Variants in AGBL4 observed in about 807,000 individuals in gnomAD.
AGBL4 encodes AGBL carboxypeptidase 4, also known as cytosolic carboxypeptidase 6.
Under a neutral mutation model 66.4 loss-of-function variants are expected in AGBL4, and 58 were observed. The ratio of observed to expected loss-of-function variants is 0.87; its 90% confidence interval spans 0.71 to 1.09. The LOEUF (loss-of-function observed/expected upper bound fraction) is 1.09, where lower values mean the gene tolerates loss of function less well. Ranked by LOEUF, AGBL4 falls within the 50% of genes least tolerant of loss-of-function variation. The pLI, the probability that AGBL4 is intolerant of heterozygous loss-of-function variation, is 0.00. For synonymous variants in AGBL4, 234 were observed against 222.9 expected, an observed-to-expected ratio of 1.05 and a Z score of -0.44; for missense variants, 579 against 631.0, an observed-to-expected ratio of 0.92 and a Z score of 0.88.
chr1:48,639,325 A>G (rs2148421569), intron 8 of AGBL4, among the ~76,000 whole-genome samples: 1 of 152,320 alleles, frequency 6.6e-6, no homozygotes, highest in Middle Eastern at 3.4e-3. Context: ...TTACTGAACA[A>G]AACATCTTAG....
At chr1:49,066,908 G>C (rs1296711987) in intron 4 of AGBL4, among the ~76,000 whole-genome samples, 1 of 152,154 alleles carries the variant, frequency 6.6e-6, no homozygotes, top group Non-Finnish European at 1.5e-5. Flanking sequence ...TCTATTTTCT[G>C]ACTCAAAGCT....
At chr1:49,489,607 G>T (rs1278335161) in intron 3 of AGBL4, among the ~76,000 whole-genome samples, 3 of 151,736 alleles carry the variant, frequency 2.0e-5, no homozygotes, top group African/African-American at 4.8e-5. Flanking sequence ...AGAAATCTTT[G>T]CCCAGTCCAA....
Position 49,656,309 on chromosome 1 carries a change from G to T in AGBL4, c.282+41004C>A, listed in dbSNP as rs1231648210. On this transcript the variant is annotated intron_variant, in intron 3 of 13. Transcript: ENST00000371839. ...CACCCTCCCAAGACTAAACCAGGAA[G>T]AAGTTGAATCTCTTAAAAGACCAAT... Among the ~76,000 whole-genome samples the T allele has an allele frequency of 2.0e-5, 3 of 152,246 alleles. No homozygotes were observed. In the East Asian group the frequency reaches 5.8e-4, roughly 29 times the overall value.
chr1:49,729,779 G>A (rs867289857), intron 2 of AGBL4, among the ~76,000 whole-genome samples: 3 of 152,146 alleles, frequency 2.0e-5, no homozygotes, highest in African/African-American at 7.2e-5. Flanking sequence ...TAAGTCTGTG[G>A]TAGTAGGAAT....
intron 6 of AGBL4, among the ~76,000 whole-genome samples, chr1:48,841,423 AAG>A (rs1646800142): frequency 7.6e-6 from 1 of 131,560 alleles, no homozygotes; most frequent in Non-Finnish European, 1.6e-5. Flanking sequence ...AAAAAAAAAG[AAG>A]AGAGAGAAGG....
intron 1 of AGBL4, among the ~76,000 whole-genome samples, chr1:49,913,673 AG>A (rs1651091060): frequency 6.6e-6 from 1 of 152,278 alleles, no homozygotes; most frequent in African/African-American, 2.4e-5. Flanking sequence ...CACCTGCAGC[AG>A]GTTGCTGCCT....
chr1:48,793,807 C>T (rs1158087003), intron 6 of AGBL4, among the ~76,000 whole-genome samples: 1 of 152,184 alleles, frequency 6.6e-6, no homozygotes, highest in African/African-American at 2.4e-5. Context: ...ATCTAGTCAG[C>T]CTCAATGCCT....
intron 3 of AGBL4, among the ~76,000 whole-genome samples, chr1:49,681,077 T>A (rs1451002582): frequency 1.3e-5 from 2 of 152,208 alleles, no homozygotes; most frequent in African/African-American, 4.8e-5. Context: ...GTTCTTTGTA[T>A]CTTCTATTTC....
chr1:48,598,012 G>T (rs915993162), intron 9 of AGBL4, among the ~76,000 whole-genome samples: 4 of 152,082 alleles, frequency 2.6e-5, no homozygotes, highest in Non-Finnish European at 5.9e-5. Flanking sequence ...CAAAACAAAG[G>T]CCCTAAAGCA....
intron 11 of AGBL4, among the ~76,000 whole-genome samples, chr1:48,568,052 G>A (rs1644503608): frequency 6.6e-6 from 1 of 152,128 alleles, no homozygotes; most frequent in African/African-American, 2.4e-5. Flanking sequence ...GTCCTCACAG[G>A]TGACTTGAAA....
At chr1:49,694,979 GA>G (rs1646957394) in intron 3 of AGBL4, among the ~76,000 whole-genome samples, 1 of 152,064 alleles carries the variant, frequency 6.6e-6, no homozygotes, top group Non-Finnish European at 1.5e-5. Context: ...CAAAGTTAAA[GA>G]AACAGTATAA....
intron 5 of AGBL4, among the ~76,000 whole-genome samples, chr1:48,990,663 T>C (rs1209906159): frequency 1.3e-5 from 2 of 152,068 alleles, no homozygotes. Flanking sequence ...TGGTCTTTTT[T>C]TCCTTCTTGT....
At chr1:49,972,244 T>C (rs1022193071) in intron 1 of AGBL4, among the ~76,000 whole-genome samples, 1 of 151,958 alleles carries the variant, frequency 6.6e-6, no homozygotes, top group Non-Finnish European at 1.5e-5. Context: ...TATTGCCTAG[T>C]GGTGTTTTAG....
intron 3 of AGBL4, among the ~76,000 whole-genome samples, chr1:49,655,669 C>G (rs1250826530): frequency 1.3e-5 from 2 of 152,128 alleles, no homozygotes; most frequent in African/African-American, 4.8e-5. Flanking sequence ...CAAACACATT[C>G]AACAGCTAGC....
intron 11 of AGBL4, among the ~76,000 whole-genome samples, chr1:48,545,248 G>C (rs1391948218): frequency 1.3e-5 from 2 of 152,214 alleles, no homozygotes; most frequent in Non-Finnish European, 2.9e-5. Context: ...CCACTGTAAG[G>C]TGTTGATCAT....
intron 1 of AGBL4, chr1:49,995,021 G>C (rs1309471087): frequency 9.5e-6 from 4 of 419,892 alleles, no homozygotes; most frequent in Non-Finnish European, 1.9e-5. Flanking sequence ...TGTTGACTTT[G>C]TCTCAGAGGG....
intron 4 of AGBL4, among the ~76,000 whole-genome samples, chr1:49,164,074 A>G (rs1646588938): frequency 1.3e-5 from 2 of 152,186 alleles, no homozygotes; most frequent in South Asian, 4.1e-4. Flanking sequence ...TGTGCATAGT[A>G]TATGTGTGTA....
At chr1:49,186,376 CT>C (rs1447828659) in intron 4 of AGBL4, among the ~76,000 whole-genome samples, 1 of 152,154 alleles carries the variant, frequency 6.6e-6, no homozygotes, top group Non-Finnish European at 1.5e-5. Context: ...AAAATATGAA[CT>C]TTTAGTAGTC....
chr1:48,889,373 C>CA (rs1262611356), intron 5 of AGBL4, among the ~76,000 whole-genome samples: 7 of 149,184 alleles, frequency 4.7e-5, no homozygotes, highest in East Asian at 3.9e-4. Context: ...AGGAAGAAAG[C>CA]AAAAAAAAGG....
Sources: gnomAD v4.1 joint callset for allele counts (sites outside exome capture counted in the v4.1 genomes callset) on GRCh38, gnomAD v4.1.1 for gene constraint, MANE v1.5 for transcripts, NCBI Gene and HGNC (gene_info 2026-07-23, HGNC 2026-07-21) for gene names.